Variants in HARBI1 observed in about 807,000 individuals in gnomAD.
HARBI1 encodes putative nuclease HARBI1.
A neutral mutation model predicts 25.3 loss-of-function variants in HARBI1; 15 were observed. That is an observed-to-expected ratio of 0.59 (90% CI 0.40 to 0.91). The LOEUF is 0.91. Ranked by LOEUF, HARBI1 falls within the 40% of genes least tolerant of loss-of-function variation. The pLI is 0.00. For missense variants in HARBI1, 396 were observed against 445.8 expected (o/e 0.89, Z 1.01); for synonymous variants, 168 against 160.5 (o/e 1.05, Z -0.35).
chr11:46,603,772 G>A lies in HARBI1; in HGVS notation c.808C>T (p.Arg270Ter), dbSNP rs758350757. Residue 270 changes from arginine to a stop codon, truncating the protein, a stop_gained, in exon 3 of 3, where the codon CGA (arginine) becomes TGA (stop). Coordinates refer to ENST00000326737, the MANE Select transcript of HARBI1 (RefSeq NM_173811.4). LOFTEE classifies it high-confidence loss of function. Reference sequence around the variant, plus strand: ...TTGGATCCATCCAGGCAGCGGAATCGGGAGCAGAGGGTTCGGAAAGTCTTC... The same window carrying A: ...TTGGATCCATCCAGGCAGCGGAATCAGGAGCAGAGGGTTCGGAAAGTCTTC... ...IEKTFRTLCS[R>*]FRCLDGSKGA... The A allele has an allele frequency of 5.6e-6, 9 of 1,614,174 alleles. No individual in the cohort carries two copies. In the East Asian group the frequency reaches 1.3e-4, roughly 24 times the overall value.
chr11:46,617,847 C>G, upstream of HARBI1: 1 of 399,174 alleles, frequency 2.5e-6, no homozygotes, highest in Admixed American at 4.4e-5. Context: ...TCCCGGCCTC[C>G]GTAATGAGAG....
chr11:46,615,295 C>T (rs1438582611), intron 2 of HARBI1, among the ~76,000 whole-genome samples: 3 of 149,492 alleles, frequency 2.0e-5, no homozygotes, highest in African/African-American at 7.4e-5. Context: ...CATCTCGGCT[C>T]ACTGCAACCT....
At chr11:46,608,750 G>C (rs2045056444) in intron 2 of HARBI1, among the ~76,000 whole-genome samples, 1 of 151,664 alleles carries the variant, frequency 6.6e-6, no homozygotes, top group South Asian at 2.1e-4. Context: ...CGAGTAGCTG[G>C]GATTACAGGC....
At chr11:46,612,809 TATAGGTGCCTGCCACCACGCCCAGCTA>T (rs2045233923) in intron 2 of HARBI1, among the ~76,000 whole-genome samples, 1 of 150,624 alleles carries the variant, frequency 6.6e-6, no homozygotes, top group African/African-American at 2.4e-5. Flanking sequence ...TAGCTGAGAT[TATAGGTGCCTGCCACCACGCCCAGCTA>T]ATTTTTTGTA....
chr11:46,611,480 G>C (rs1458178445), intron 2 of HARBI1, among the ~76,000 whole-genome samples: 1 of 152,094 alleles, frequency 6.6e-6, no homozygotes, highest in African/African-American at 2.4e-5. Context: ...GGAGTACAAG[G>C]TGGGCTAACT....
At position 46,603,150 on chromosome 11, in the gene HARBI1, T is replaced by A; in HGVS notation, c.*380A>T. On this transcript the variant is annotated 3_prime_UTR_variant, in exon 3 of 3. Coordinates refer to ENST00000326737, the MANE Select transcript of HARBI1 (RefSeq NM_173811.4). ...GTGAGCCACCGCACCCGGCCGCTAA[T>A]TTTTGTATTTTTAGTAGAGACGGGG... 2 of 156,766 alleles carry A rather than the reference T, an allele frequency of 1.3e-5. No individual in the cohort carries two copies. Among genetic ancestry groups the A allele is most frequent in the Non-Finnish European group, 2.8e-5 (2 of 71,184 alleles). The allele number at this position is 156,766 out of a possible 1,614,324, so 9.7% of individuals were successfully genotyped here.
intron 2 of HARBI1, among the ~76,000 whole-genome samples, chr11:46,611,301 C>T (rs2045174994): frequency 6.6e-6 from 1 of 152,112 alleles, no homozygotes; most frequent in African/African-American, 2.4e-5. Context: ...GCCACCGTGC[C>T]CGGCTATTAT....
At chr11:46,617,807 A>G, upstream of HARBI1, 1 of 399,226 alleles carries the variant, frequency 2.5e-6, no homozygotes, top group East Asian at 3.6e-5. Flanking sequence ...CGGAACCCTC[A>G]GCCAGGAGGC....
intron 1 of HARBI1, 39 bp downstream of exon 1, chr11:46,617,081 CTGAT>C (rs2045592809): frequency 1.2e-6 from 1 of 854,260 alleles, no homozygotes; most frequent in South Asian, 5.4e-5. Flanking sequence ...ATGTCAAAGT[CTGAT>C]TGCGCCGGCC....
chr11:46,610,823 A>G (rs563401872), intron 2 of HARBI1, among the ~76,000 whole-genome samples: 3 of 152,104 alleles, frequency 2.0e-5, no homozygotes, highest in African/African-American at 7.2e-5. Flanking sequence ...CTTTAAAGCC[A>G]TAATTCCAAC....
chr11:46,613,685 G>T (rs1265817922), intron 2 of HARBI1, among the ~76,000 whole-genome samples: 1 of 151,878 alleles, frequency 6.6e-6, no homozygotes, highest in Non-Finnish European at 1.5e-5. Flanking sequence ...GTTTCACTAT[G>T]TTGGACAGGC....
chr11:46,604,735 C>T, intron 2 of HARBI1: 4 of 982,782 alleles, frequency 4.1e-6, no homozygotes, highest in Non-Finnish European at 4.8e-6. Flanking sequence ...GGTGTTCTGC[C>T]TTCCTATATA....
At chr11:46,603,968 G>A (rs2044845672) in intron 2 of HARBI1, 59 bp from the exon 3 acceptor site, 4 of 1,516,238 alleles carry the variant, frequency 2.6e-6, no homozygotes, top group Non-Finnish European at 3.5e-6. Context: ...AACAGGAAGT[G>A]AAATTCAGAA....
chr11:46,616,234 C>T lies in HARBI1; in HGVS notation c.4G>A (p.Ala2Thr). 6.2e-7 allele frequency: 1 copy of T among 1,602,290 alleles called. No homozygotes were observed. Among genetic ancestry groups the T allele is most frequent in the Non-Finnish European group, 8.5e-7 (1 of 1,176,140 alleles). Reference sequence around the variant, plus strand: ...CAGTCAAGCACTGTTATTGGTATAGCCATGGTAAATGTGAATGTTGGCTCT... The same window carrying T: ...CAGTCAAGCACTGTTATTGGTATAGTCATGGTAAATGTGAATGTTGGCTCT... M[A>T]IPITVLDCDL... Residue 2 changes from alanine (A) to threonine (T), a missense_variant, in exon 2 of 3, where the codon GCT becomes ACT. Ala to Thr is a moderately conservative substitution (Grantham distance 58). Coordinates refer to ENST00000326737, the MANE Select transcript of HARBI1 (RefSeq NM_173811.4).
intron 2 of HARBI1, among the ~76,000 whole-genome samples, chr11:46,611,120 G>A (rs1200794722): frequency 6.8e-6 from 1 of 146,478 alleles, no homozygotes; most frequent in Non-Finnish European, 1.5e-5. Context: ...CCATTCTCCT[G>A]CCTCAGCCTC....
intron 2 of HARBI1, among the ~76,000 whole-genome samples, chr11:46,612,922 T>C (rs1460459683): frequency 6.7e-6 from 1 of 149,612 alleles, no homozygotes; most frequent in Non-Finnish European, 1.5e-5. Flanking sequence ...TCCGCTTGCC[T>C]TGGCCTCCAA....
chr11:46,606,133 C>T (rs750317080), intron 2 of HARBI1, among the ~76,000 whole-genome samples: 6 of 151,744 alleles, frequency 4.0e-5, no homozygotes, highest in Non-Finnish European at 7.4e-5. Flanking sequence ...CGATCCACCC[C>T]CTTCGGCTTC....
Position 46,616,046 on chromosome 11 carries a change from G to C in HARBI1, c.192C>G (p.Ser64=). The C allele has an allele frequency of 6.2e-7, 1 of 1,614,196 alleles. No individual in the cohort carries two copies. The highest frequency in any genetic ancestry group is 2.2e-5 in the East Asian group (1 of 44,884). ...GANLSRPTQR[S]RAISPETQVL... ...CCTGTGTCTCTGGGCTAATAGCCCT[G>C]GATCGCTGAGTAGGCCTAGAAAGAT... The change falls in exon 2 of 3, where the codon TCC becomes TCG. Residue 64 remains serine, a synonymous_variant. Coordinates refer to ENST00000326737, the MANE Select transcript of HARBI1 (RefSeq NM_173811.4).
At chr11:46,612,431 C>T (rs1370562524) in intron 2 of HARBI1, among the ~76,000 whole-genome samples, 1 of 151,950 alleles carries the variant, frequency 6.6e-6, no homozygotes, top group African/African-American at 2.4e-5. Flanking sequence ...AAAAACTAAG[C>T]TGCTGGATTC....
Sources: allele counts gnomAD v4.1 joint callset (sites outside exome capture counted in the v4.1 genomes callset), GRCh38; gene constraint gnomAD v4.1.1; transcripts MANE v1.5; gene names NCBI Gene and HGNC (gene_info 2026-07-23, HGNC 2026-07-21).